The following PMFBP1 variants were observed in gnomAD, a reference collection of about 807,000 sequenced individuals.
PMFBP1 encodes polyamine-modulated factor 1-binding protein 1.
Under a neutral mutation model 137.8 loss-of-function variants are expected in PMFBP1, and 131 were observed. The observed-to-expected ratio is 0.95, with a 90% CI of 0.82 to 1.10. PMFBP1 has a LOEUF of 1.10. Ranked by LOEUF, PMFBP1 falls within the 50% of genes least tolerant of loss-of-function variation. PMFBP1 has a pLI of 0.00. For missense variants in PMFBP1, 1,199 were observed against 1,175.4 expected (o/e 1.02, Z -0.29); for synonymous variants, 490 against 450.4 (o/e 1.09, Z -1.11).
chr16:72,170,470 C>A (rs2043205376), intron 2 of PMFBP1, among the ~76,000 whole-genome samples: 1 of 152,110 alleles, frequency 6.6e-6, no homozygotes, highest in African/African-American at 2.4e-5. Flanking sequence ...GTCTTTGTCG[C>A]CCCGGCTGGA....
Position 72,129,173 on chromosome 16 carries a change from G to A in PMFBP1, c.1843C>T (p.Leu615Phe). ...AACTGCTCCCGTTTGTCCTCCAGAA[G>A]CTTTGTGGCCTCCTGAAGATCTTCT... is the stretch of plus-strand genomic sequence containing the variant. ...LEEDLQEATK[L>F]LEDKREQLKK... The change falls in exon 13 of 21, where the codon CTT becomes TTT. Residue 615 changes from leucine (L) to phenylalanine (F), a missense_variant. Coordinates refer to ENST00000237353, the MANE Select transcript of PMFBP1 (RefSeq NM_031293.3). 1 of 1,614,138 alleles carries A rather than the reference G, an allele frequency of 6.2e-7. No individual in the cohort carries two copies. Among genetic ancestry groups the A allele is most frequent in the Non-Finnish European group, 8.5e-7 (1 of 1,180,046 alleles).
intron 14 of PMFBP1, among the ~76,000 whole-genome samples, chr16:72,127,715 C>G (rs2042482727): frequency 6.6e-6 from 1 of 152,152 alleles, no homozygotes; most frequent in African/African-American, 2.4e-5. Flanking sequence ...GGTATTAGGT[C>G]TAGATGGTTT....
chr16:72,224,338 C>T, the PMFBP1 span, among the ~76,000 whole-genome samples: 7 of 152,116 alleles, frequency 4.6e-5, no homozygotes, highest in South Asian at 2.1e-4. Flanking sequence ...TCCTCTACTC[C>T]GTTGACTGCC....
At chr16:72,197,971 G>A in the PMFBP1 span, among the ~76,000 whole-genome samples, 1 of 152,162 alleles carries the variant, frequency 6.6e-6, no homozygotes, top group Admixed American at 6.5e-5. Flanking sequence ...ACAGCTGAGT[G>A]AAAACCCAGC....
intron 5 of PMFBP1, among the ~76,000 whole-genome samples, chr16:72,145,172 A>G (rs1049155073): frequency 1.3e-5 from 2 of 152,226 alleles, no homozygotes; most frequent in Non-Finnish European, 2.9e-5. Context: ...AGAAATCACA[A>G]CAAACTGTCT....
At position 72,137,113 on chromosome 16, in the gene PMFBP1, A is replaced by T. The variant is rs1250764414; in HGVS notation, c.919-294T>A. ...CATTGTCTCCCAATGAAATTTTTTT[A>T]AAAAAGAGAATAAAACAAAAGGATA... On this transcript the variant is annotated intron_variant, in intron 7 of 20. Coordinates refer to ENST00000237353, the MANE Select transcript of PMFBP1 (RefSeq NM_031293.3). 1.1e-4 allele frequency among the ~76,000 whole-genome samples: 17 copies of T among 152,130 alleles called. No individual in the cohort carries two copies. In the East Asian group the frequency reaches 2.3e-3, roughly 21 times the overall value.
At chr16:72,171,815 T>C (rs767703938) in intron 1 of PMFBP1, 1 of 152,250 alleles carries the variant, frequency 6.6e-6, no homozygotes, top group East Asian at 1.9e-4. Flanking sequence ...TCTGATGATA[T>C]GGTGTTTTTG....
chr16:72,151,407 G>T (rs563415972), intron 4 of PMFBP1, among the ~76,000 whole-genome samples: 17 of 152,278 alleles, frequency 1.1e-4, no homozygotes, highest in African/African-American at 4.1e-4. Context: ...GTGCAGAGGG[G>T]ATATATACAT....
At chr16:72,136,316 AG>A (rs2144320429) in intron 9 of PMFBP1, 131 bp downstream of exon 9, 2 of 991,600 alleles carry the variant, frequency 2.0e-6, no homozygotes, top group African/African-American at 3.2e-5. Context: ...GGGCCTGAAG[AG>A]CCACCATCTC....
the PMFBP1 span, among the ~76,000 whole-genome samples, chr16:72,189,628 A>C: frequency 6.6e-6 from 1 of 152,206 alleles, no homozygotes; most frequent in East Asian, 1.9e-4. Flanking sequence ...AAGAAGAGGA[A>C]AACCAAGCCA....
At chr16:72,239,716 AC>A in the PMFBP1 span, among the ~76,000 whole-genome samples, 9 of 151,574 alleles carry the variant, frequency 5.9e-5, no homozygotes, top group Admixed American at 3.3e-4. Flanking sequence ...ACATGGTGAA[AC>A]CCCGTCTCTA....
intron 2 of PMFBP1, among the ~76,000 whole-genome samples, chr16:72,169,051 A>G (rs550035111): frequency 6.6e-6 from 1 of 152,318 alleles, no homozygotes; most frequent in Non-Finnish European, 1.5e-5. Flanking sequence ...AGAGCATTGC[A>G]AAGATTCAAA....
At chr16:72,129,038 C>A in intron 13 of PMFBP1, 28 bp downstream of exon 13, 1 of 1,608,708 alleles carries the variant, frequency 6.2e-7, no homozygotes, top group Non-Finnish European at 8.5e-7. Context: ...GATTCCTGAC[C>A]CAGCTCTCCT....
At chr16:72,139,798 G>C (rs1291065459) in intron 6 of PMFBP1, among the ~76,000 whole-genome samples, 1 of 151,412 alleles carries the variant, frequency 6.6e-6, no homozygotes, top group Admixed American at 6.6e-5. Context: ...ATTTTTTTTT[G>C]AAAAATAAAA....
the PMFBP1 span, among the ~76,000 whole-genome samples, chr16:72,188,577 G>C: frequency 6.6e-6 from 1 of 152,214 alleles, no homozygotes; most frequent in Admixed American, 6.5e-5. Context: ...AGTACACACA[G>C]AGAAGGAAAC....
At chr16:72,220,648 T>C in the PMFBP1 span, among the ~76,000 whole-genome samples, 4 of 152,040 alleles carry the variant, frequency 2.6e-5, no homozygotes, top group Non-Finnish European at 5.9e-5. Flanking sequence ...TGATGAAGAC[T>C]TAGTGGAGAC....
chr16:72,147,435 AGGC>A (rs1162792158), intron 5 of PMFBP1, among the ~76,000 whole-genome samples: 10 of 152,344 alleles, frequency 6.6e-5, no homozygotes, highest in Admixed American at 5.2e-4. Flanking sequence ...AAGAAAACCT[AGGC>A]AATACCGTTC....
chr16:72,190,859 T>A, the PMFBP1 span, among the ~76,000 whole-genome samples: 1 of 152,194 alleles, frequency 6.6e-6, no homozygotes, highest in African/African-American at 2.4e-5. Flanking sequence ...TTATAGGACA[T>A]CTTAGATCGT....
chr16:72,158,913 T>C (rs2043021907), intron 3 of PMFBP1, among the ~76,000 whole-genome samples: 1 of 152,208 alleles, frequency 6.6e-6, no homozygotes, highest in Admixed American at 6.5e-5. Context: ...GAGAATCACT[T>C]GAGCCCTGGA....
Sources: gnomAD v4.1 joint callset for allele counts (sites outside exome capture counted in the v4.1 genomes callset) on GRCh38, gnomAD v4.1.1 for gene constraint, MANE v1.5 for transcripts, NCBI Gene and HGNC (gene_info 2026-07-23, HGNC 2026-07-21) for gene names.